COL4A1: variants seen among roughly 807,000 people sequenced by gnomAD.
The protein encoded by COL4A1 is collagen type IV alpha 1 chain.
A neutral mutation model predicts 216.6 loss-of-function variants in COL4A1; 40 were observed. That is an observed-to-expected ratio of 0.18 (90% CI 0.14 to 0.24). The LOEUF (loss-of-function observed/expected upper bound fraction) is 0.24, where lower values mean the gene tolerates loss of function less well. Ranked by LOEUF, COL4A1 falls within the 10% of genes least tolerant of loss-of-function variation. The pLI is 1.00. For synonymous variants in COL4A1, 839 were observed against 810.7 expected, an observed-to-expected ratio of 1.03 and a Z score of -0.59; for missense variants, 1,628 against 2,196.8, an observed-to-expected ratio of 0.74 and a Z score of 5.18.
intron 1 of COL4A1, among the ~76,000 whole-genome samples, chr13:110,294,702 G>T (rs1884202316): frequency 1.3e-5 from 2 of 152,314 alleles, no homozygotes; most frequent in African/African-American, 4.8e-5. Flanking sequence ...TTGAATTTGG[G>T]AGGTTGAACC....
At chr13:110,210,317 C>T (rs1337935026) in intron 8 of COL4A1, 105 bp from the exon 9 acceptor site, 3 of 1,094,190 alleles carry the variant, frequency 2.7e-6, no homozygotes, top group African/African-American at 3.1e-5. Flanking sequence ...CAGGACTAGC[C>T]TAAGTCTGGG....
intron 1 of COL4A1, among the ~76,000 whole-genome samples, chr13:110,252,207 A>T (rs1287308371): frequency 4.0e-5 from 6 of 151,778 alleles, no homozygotes; most frequent in African/African-American, 1.5e-4. Context: ...TATTTTTAGT[A>T]GAGACGTGGT....
In COL4A1 at chr13:110,307,056, G is replaced by A. The variant is rs1772675785; in HGVS notation, c.-29C>T. ...GGCGCGCCCGAGGCGGCGAGGGACG[G>A]CTGCCCGGCGTGCGGGGGCCGCGGC... On this transcript the variant is annotated 5_prime_UTR_variant, in exon 1 of 52. Transcript: ENST00000375820. This position sits in a 1 kb window ranked among gnomAD's most constrained non-coding sequence, Gnocchi z 5.0. 3 of 1,437,446 alleles carry A rather than the reference G, an allele frequency of 2.1e-6. No homozygotes were observed. The highest frequency in any genetic ancestry group is 3.0e-5 in the East Asian group (1 of 33,414). 89.0% of individuals were successfully genotyped at this position (1,437,446 alleles called of 1,614,324 possible).
At chr13:110,243,200 G>A (rs919366233) in intron 1 of COL4A1, among the ~76,000 whole-genome samples, 1 of 152,094 alleles carries the variant, frequency 6.6e-6, no homozygotes, top group African/African-American at 2.4e-5. Context: ...AGTTTGTACA[G>A]AACAGAATAA....
chr13:110,288,970 G>T (rs753216299), intron 1 of COL4A1, among the ~76,000 whole-genome samples: 5 of 152,118 alleles, frequency 3.3e-5, no homozygotes, highest in African/African-American at 1.2e-4. Context: ...CCCAGGAGGC[G>T]GAGGTTGCAG....
rs534664981 is a variant in COL4A1 at position 110,270,964 on chromosome 13, T to C, written c.85-28230A>G. ...TTCTGATTCCAGGAAAGCAACGACA[T>C]GTTCATAAAATGACAGCACGTGTCA... On this transcript the variant is annotated intron_variant, in intron 1 of 51. Transcript: ENST00000375820. 2.6e-5 allele frequency among the ~76,000 whole-genome samples: 4 copies of C among 152,230 alleles called. No individual in the cohort carries two copies. In the East Asian group the frequency reaches 7.7e-4, roughly 29 times the overall value.
In COL4A1 at chr13:110,186,406, G is replaced by A. The variant is rs1878405883; in HGVS notation, c.1876C>T (p.Pro626Ser). Residue 626 changes from proline to serine, a missense_variant, in exon 26 of 52, where the codon CCT (proline) becomes TCT (serine). Physicochemically the swap from Pro to Ser is moderately conservative, Grantham distance 74. Around this residue, in one of 8 missense-constraint regions of COL4A1, gnomAD observed 701 missense variants for 892.5 expected, o/e 0.79. Coordinates refer to ENST00000375820, the MANE Select transcript of COL4A1 (RefSeq NM_001845.6). ...DKGQAGFPGG[P>S]GSPGLPGPKG... is the part of the protein sequence containing the mutation. ...TCACCTGGCAGGCCTGGGGATCCAG[G>A]GCCTCCAGGAAAGCCTGCTTGTCCT... 2 of 1,613,360 alleles carry A rather than the reference G, an allele frequency of 1.2e-6. No homozygotes were observed. The highest frequency in any genetic ancestry group is 1.7e-6 in the Non-Finnish European group (2 of 1,180,030).
chr13:110,237,788 G>C (rs575665899), intron 2 of COL4A1, among the ~76,000 whole-genome samples: 4 of 152,206 alleles, frequency 2.6e-5, no homozygotes, highest in Non-Finnish European at 5.9e-5. Context: ...TTATACAAAG[G>C]TGTGACATGG....
At position 110,211,669 on chromosome 13, in the gene COL4A1, G is replaced by C. The variant is rs1879801583; in HGVS notation, c.446C>G (p.Pro149Arg). 2 of 1,611,088 alleles carry C rather than the reference G, an allele frequency of 1.2e-6. No homozygotes were observed. Among genetic ancestry groups the C allele is most frequent in the Non-Finnish European group, 1.7e-6 (2 of 1,178,940 alleles). Residue 149 changes from proline (P) to arginine (R), a missense_variant, in exon 8 of 52, where the codon CCA becomes CGA. Coordinates refer to ENST00000375820, the MANE Select transcript of COL4A1 (RefSeq NM_001845.6). This position sits in a 1 kb window ranked among gnomAD's most constrained non-coding sequence, Gnocchi z 4.3. Reference sequence around the variant, plus strand: ...TACCTTCATCCCTGGTAAGCCTGGTGGTCCCTAAAAAAGAAAGTTTTGGTG... The same window carrying C: ...TACCTTCATCCCTGGTAAGCCTGGTCGTCCCTAAAAAAGAAAGTTTTGGTG... ...GLPGFAGNPG[P>R]PGLPGMKGDP...
intron 40 of COL4A1, among the ~76,000 whole-genome samples, chr13:110,173,352 G>A (rs1290057150): frequency 1.3e-5 from 2 of 152,062 alleles, no homozygotes; most frequent in Non-Finnish European, 2.9e-5. Context: ...CCCCAAGTCA[G>A]GGGTAACCTG....
At chr13:110,232,368 C>A (rs1881101896) in intron 2 of COL4A1, among the ~76,000 whole-genome samples, 2 of 152,202 alleles carry the variant, frequency 1.3e-5, no homozygotes, top group South Asian at 4.1e-4. Flanking sequence ...TCTGTTAATA[C>A]CATTTTTGAG....
At chr13:110,225,781 A>G (rs1185806707) in intron 2 of COL4A1, among the ~76,000 whole-genome samples, 2 of 152,134 alleles carry the variant, frequency 1.3e-5, no homozygotes, top group African/African-American at 2.4e-5. Context: ...CTCTTCAGTC[A>G]CTGCATGGAT....
At chr13:110,286,583 G>C (rs73617451) in intron 1 of COL4A1, among the ~76,000 whole-genome samples, 6 of 152,204 alleles carry the variant, frequency 3.9e-5, no homozygotes. Context: ...CAGAGGAGCC[G>C]CCTATAGGGA....
intron 1 of COL4A1, among the ~76,000 whole-genome samples, chr13:110,258,437 G>A (rs1037306090): frequency 7.2e-5 from 11 of 152,134 alleles, no homozygotes; most frequent in Non-Finnish European, 1.2e-4. Context: ...ATACTCGGGC[G>A]GCTAAGGCAG....
rs981862952 is a variant in COL4A1, at chr13:110,207,244, A to G, written c.780+159T>C. Among the ~76,000 whole-genome samples the G allele has an allele frequency of 3.3e-5, 5 of 152,218 alleles. No individual in the cohort carries two copies. Among genetic ancestry groups the G allele is most frequent in the Admixed American group, 3.3e-4 (5 of 15,300 alleles). On this transcript the variant is annotated intron_variant, in intron 13 of 51. Transcript: ENST00000375820. This position sits in a 1 kb window ranked among gnomAD's most constrained non-coding sequence, Gnocchi z 4.4. ...CAGTTCCAGCTGTCTCTGCTCTCAA[A>G]GGGGCTCGTATTTTATGGACTGAAC...
Position 110,201,801 on chromosome 13 carries a change from G to T in COL4A1, c.1000-279C>A, listed in dbSNP as rs140200497. 199 of 573,182 alleles carry T rather than the reference G, an allele frequency of 3.5e-4. 1 individual carries two copies. In the East Asian group the frequency reaches 7.2e-3, roughly 21 times the overall value. The allele number at this position is 573,182 out of a possible 1,614,324, so 35.5% of individuals were successfully genotyped here. A position where few individuals can be genotyped will look rare whatever the true frequency, so the allele number is the denominator to read the frequency against. ...GTTCGAGACCAGCCTGGTCAATATG[G>T]TGAAACCCCGACTCTACTAAAAATA... On this transcript the variant is annotated intron_variant, in intron 18 of 51. Coordinates refer to ENST00000375820, the MANE Select transcript of COL4A1 (RefSeq NM_001845.6).
intron 24 of COL4A1, among the ~76,000 whole-genome samples, chr13:110,189,895 T>C (rs1878559340): frequency 7.6e-6 from 1 of 131,600 alleles, no homozygotes; most frequent in Non-Finnish European, 1.7e-5. Flanking sequence ...CCTATCTTTG[T>C]ATCCTTGGCA....
intron 1 of COL4A1, among the ~76,000 whole-genome samples, chr13:110,248,577 T>C (rs914870665): frequency 6.6e-6 from 1 of 151,840 alleles, no homozygotes; most frequent in African/African-American, 2.4e-5. Context: ...CCGCAACCTC[T>C]GCCATCTGGA....
chr13:110,304,405 G>A (rs991856940), intron 1 of COL4A1, among the ~76,000 whole-genome samples: 1 of 152,222 alleles, frequency 6.6e-6, no homozygotes, highest in Non-Finnish European at 1.5e-5. Flanking sequence ...ACACTGAGGG[G>A]AAAGTTCACG....
Sources: allele counts gnomAD v4.1 joint callset (sites outside exome capture counted in the v4.1 genomes callset), GRCh38; gene constraint gnomAD v4.1.1; regional missense constraint gnomAD v4.1.1; non-coding constraint Gnocchi (gnomAD v3.1); transcripts MANE v1.5; gene names NCBI Gene and HGNC (gene_info 2026-07-23, HGNC 2026-07-21).